Variants in THSD7B observed in about 807,000 individuals in gnomAD.
The protein encoded by THSD7B is thrombospondin type 1 domain containing 7B.
A neutral mutation model predicts 213.6 loss-of-function variants in THSD7B; 138 were observed. The ratio of observed to expected loss-of-function variants is 0.65; its 90% CI spans 0.56 to 0.74. The LOEUF is 0.74. Ranked by LOEUF, THSD7B falls within the 30% of genes least tolerant of loss-of-function variation. THSD7B has a pLI of 0.00. For synonymous variants in THSD7B, 742 were observed against 687.0 expected (o/e 1.08, Z -1.25); for missense variants, 1,931 against 1,991.5 (o/e 0.97, Z 0.58).
At chr2:137,017,131 T>C (rs1028627594) in intron 2 of THSD7B, among the ~76,000 whole-genome samples, 2 of 152,148 alleles carry the variant, frequency 1.3e-5, no homozygotes, top group Admixed American at 1.3e-4. Context: ...AACTATTTTT[T>C]TATTTTTATT....
chr2:137,334,814 C>T (rs1684600462), intron 12 of THSD7B, among the ~76,000 whole-genome samples: 1 of 152,118 alleles, frequency 6.6e-6, no homozygotes, highest in Admixed American at 6.5e-5. Context: ...GTAATAATCC[C>T]CAAGTGTCAA....
rs542370028 is a variant in THSD7B, at chr2:137,636,715, T to G, written c.3800-5773T>G. Among the ~76,000 whole-genome samples, 6 of 152,374 alleles carry G rather than the reference T, an allele frequency of 3.9e-5. No individual in the cohort carries two copies. In the South Asian group the frequency reaches 1.2e-3, roughly 32 times the overall value. The stretch of plus-strand genomic sequence containing the variant: ...TCTCAGTTTTATTTTACAGAAAATT[T>G]ATGCTCAGAAGAGTTAAAGTACTTG... On this transcript the variant is annotated intron_variant, in intron 20 of 27. Coordinates refer to ENST00000409968, the MANE Select transcript of THSD7B (RefSeq NM_001316349.2).
intron 21 of THSD7B, among the ~76,000 whole-genome samples, chr2:137,644,618 C>G (rs1181863508): frequency 6.6e-6 from 1 of 152,182 alleles, no homozygotes; most frequent in Non-Finnish European, 1.5e-5. Context: ...ACCATATCTT[C>G]TTTAAAAATT....
At chr2:137,430,892 G>A (rs900854447) in intron 14 of THSD7B, among the ~76,000 whole-genome samples, 11 of 152,170 alleles carry the variant, frequency 7.2e-5, no homozygotes, top group African/African-American at 2.7e-4. Context: ...AGTGAGCTAG[G>A]GATGGTTGAT....
chr2:137,080,543 AT>A (rs1687727453), intron 3 of THSD7B, among the ~76,000 whole-genome samples: 1 of 151,828 alleles, frequency 6.6e-6, no homozygotes, highest in South Asian at 2.1e-4. Context: ...GAATACTTGC[AT>A]TTTTATTTTA....
chr2:137,453,971 A>C (rs987851801), intron 15 of THSD7B, among the ~76,000 whole-genome samples: 6 of 152,140 alleles, frequency 3.9e-5, no homozygotes, highest in Non-Finnish European at 8.8e-5. Context: ...ATAGTATCCC[A>C]TTGTGTATCT....
rs373367796 is a variant in THSD7B at position 137,302,781 on chromosome 2, C to T, written c.2500+26755C>T. On this transcript the variant is annotated intron_variant, in intron 12 of 27. Coordinates refer to ENST00000409968, the MANE Select transcript of THSD7B (RefSeq NM_001316349.2). ...ATTGCTAGAAAGATGTTCTTAAAAG[C>T]GAGAATGGATGGATTTTATTTTTAG... Among the ~76,000 whole-genome samples the T allele has an allele frequency of 8.7e-4, 132 of 152,126 alleles. 9 individuals carry two copies. The South Asian group carries it at 0.027, about 31-fold the overall frequency.
intron 6 of THSD7B, among the ~76,000 whole-genome samples, chr2:137,169,309 A>G (rs922505639): frequency 2.7e-5 from 4 of 148,832 alleles, no homozygotes; most frequent in African/African-American, 9.9e-5. Flanking sequence ...TTTTAATCTA[A>G]GTTAACCCAG....
At chr2:136,828,620 C>T (rs1682699314) in intron 1 of THSD7B, among the ~76,000 whole-genome samples, 1 of 152,236 alleles carries the variant, frequency 6.6e-6, no homozygotes, top group Non-Finnish European at 1.5e-5. Flanking sequence ...ATCTTGTGCT[C>T]CGTGCTTTTT....
intron 1 of THSD7B, among the ~76,000 whole-genome samples, chr2:136,864,821 G>A (rs879608229): frequency 3.9e-5 from 6 of 152,044 alleles, no homozygotes; most frequent in Non-Finnish European, 8.8e-5. Context: ...CAAAGTGTTG[G>A]GATTACAGGC....
At chr2:137,353,593 C>A (rs927613521) in intron 12 of THSD7B, among the ~76,000 whole-genome samples, 1 of 152,052 alleles carries the variant, frequency 6.6e-6, no homozygotes, top group African/African-American at 2.4e-5. Flanking sequence ...TCTTCTAAAG[C>A]TCACTGTAGA....
intron 15 of THSD7B, among the ~76,000 whole-genome samples, chr2:137,460,842 C>T (rs1687869600): frequency 6.6e-6 from 1 of 152,118 alleles, no homozygotes; most frequent in East Asian, 1.9e-4. Flanking sequence ...TCAGATGACC[C>T]CTCTGTTTCC....
intron 1 of THSD7B, among the ~76,000 whole-genome samples, chr2:136,868,354 A>T (rs1683379675): frequency 6.6e-6 from 1 of 152,224 alleles, no homozygotes; most frequent in African/African-American, 2.4e-5. Flanking sequence ...AAATCTCCTG[A>T]ATCTAATGGC....
chr2:137,467,807 G>A (rs1018619762), intron 15 of THSD7B, among the ~76,000 whole-genome samples: 1 of 152,096 alleles, frequency 6.6e-6, no homozygotes, highest in Non-Finnish European at 1.5e-5. Flanking sequence ...GCAAAGGGAT[G>A]ATTCTATCTT....
At chr2:137,286,576 C>G (rs528273194) in intron 12 of THSD7B, among the ~76,000 whole-genome samples, 1 of 151,624 alleles carries the variant, frequency 6.6e-6, no homozygotes, top group East Asian at 2.1e-4. Context: ...AGCCATCTAC[C>G]TACATCAGAA....
intron 2 of THSD7B, among the ~76,000 whole-genome samples, chr2:137,037,142 C>T (rs1686793240): frequency 6.6e-6 from 1 of 152,028 alleles, no homozygotes; most frequent in African/African-American, 2.4e-5. Flanking sequence ...TCCAAGCAAT[C>T]TGAGGGCAGA....
At chr2:137,147,238 G>A (rs900063581) in intron 5 of THSD7B, among the ~76,000 whole-genome samples, 3 of 152,004 alleles carry the variant, frequency 2.0e-5, no homozygotes, top group African/African-American at 7.2e-5. Context: ...GCTTTTGTTC[G>A]GTTTTGCAGT....
chr2:136,981,520 C>A (rs2104807997), intron 2 of THSD7B, among the ~76,000 whole-genome samples: 1 of 152,290 alleles, frequency 6.6e-6, no homozygotes, highest in East Asian at 1.9e-4. Flanking sequence ...TTCTAGCCAT[C>A]CCTCCCTCTG....
At chr2:137,660,447 C>T (rs531246482) in intron 25 of THSD7B, among the ~76,000 whole-genome samples, 50 of 152,198 alleles carry the variant, frequency 3.3e-4, no homozygotes, top group South Asian at 1.2e-3. Context: ...AATTCAAGTA[C>T]TCAGTCCTAT....
Sources: allele counts gnomAD v4.1 joint callset (sites outside exome capture counted in the v4.1 genomes callset), GRCh38; gene constraint gnomAD v4.1.1; transcripts MANE v1.5; gene names NCBI Gene and HGNC (gene_info 2026-07-23, HGNC 2026-07-21).